The following VSTM4 variants were observed in gnomAD, a reference collection of about 807,000 sequenced individuals.
The protein encoded by VSTM4 is V-set and transmembrane domain containing 4.
A neutral mutation model predicts 36.4 loss-of-function variants in VSTM4; 20 were observed. The ratio of observed to expected loss-of-function variants is 0.55; its 90% CI spans 0.39 to 0.80. The LOEUF (loss-of-function observed/expected upper bound fraction) is 0.80. Among genes scored for constraint, VSTM4 ranks in the 30% least tolerant of loss-of-function variants. VSTM4 has a pLI of 0.00. For missense variants in VSTM4, 392 were observed against 404.5 expected (o/e 0.97, Z 0.26); for synonymous variants, 182 against 173.9 (o/e 1.05, Z -0.37).
intron 4 of VSTM4, among the ~76,000 whole-genome samples, chr10:49,069,095 T>C (rs778861236): frequency 2.0e-5 from 3 of 151,784 alleles, no homozygotes; most frequent in African/African-American, 7.3e-5. Flanking sequence ...ACCTCCCAGA[T>C]GGCATGTCCA....
intron 7 of VSTM4, among the ~76,000 whole-genome samples, chr10:49,035,767 G>A (rs1843420318): frequency 6.6e-6 from 1 of 151,970 alleles, no homozygotes; most frequent in African/African-American, 2.4e-5. Context: ...GAGCCCAGGA[G>A]TTTGAGGCTA....
At chr10:49,052,131 A>C (rs1843707615) in intron 5 of VSTM4, among the ~76,000 whole-genome samples, 1 of 152,202 alleles carries the variant, frequency 6.6e-6, no homozygotes, top group Non-Finnish European at 1.5e-5. Context: ...GAATTTCTAA[A>C]GCTGGAATTA....
At chr10:49,042,795 T>C (rs1005599577) in intron 7 of VSTM4, among the ~76,000 whole-genome samples, 3 of 152,218 alleles carry the variant, frequency 2.0e-5, no homozygotes, top group Non-Finnish European at 4.4e-5. Context: ...ATGGATCTTG[T>C]AGCCTGGTAG....
At chr10:49,086,647 C>T (rs1235145222) in intron 2 of VSTM4, among the ~76,000 whole-genome samples, 1 of 152,138 alleles carries the variant, frequency 6.6e-6, no homozygotes, top group Non-Finnish European at 1.5e-5. Flanking sequence ...TTTCCATGTA[C>T]AGGGGTAACA....
In VSTM4 at chr10:49,102,501, A is replaced by T. The variant is rs993828785; in HGVS notation, c.457+5093T>A. 5 of 985,308 alleles carry T rather than the reference A, an allele frequency of 5.1e-6. No individual in the cohort carries two copies. In the African/African-American group the frequency reaches 8.7e-5, roughly 17 times the overall value. 61.0% of individuals were successfully genotyped at this position (985,308 alleles called of 1,614,324 possible). A position where few individuals can be genotyped will look rare whatever the true frequency, so the allele number is the denominator to read the frequency against. On this transcript the variant is annotated intron_variant, in intron 2 of 7. Coordinates refer to ENST00000332853, the MANE Select transcript of VSTM4 (RefSeq NM_001031746.5). ...CAGCAGCTTGAAAAACAACGGCATG[A>T]CCACATAATGTTGTGTCTACAGTGC...
intron 5 of VSTM4, among the ~76,000 whole-genome samples, chr10:49,054,037 A>G (rs1843738547): frequency 6.6e-6 from 1 of 152,224 alleles, no homozygotes; most frequent in Non-Finnish European, 1.5e-5. Context: ...CTGTGGAAAG[A>G]GCTTGGTATC....
At chr10:49,062,212 A>T (rs979226716) in intron 5 of VSTM4, among the ~76,000 whole-genome samples, 1 of 152,192 alleles carries the variant, frequency 6.6e-6, no homozygotes, top group African/African-American at 2.4e-5. Flanking sequence ...CTCAAATGTG[A>T]TTTTTAAAAC....
At chr10:49,026,906 G>C (rs1487238669) in intron 7 of VSTM4, among the ~76,000 whole-genome samples, 1 of 152,184 alleles carries the variant, frequency 6.6e-6, no homozygotes, top group Non-Finnish European at 1.5e-5. Flanking sequence ...GGATGCAAAA[G>C]AGCCATGTGA....
At chr10:49,032,436 A>G (rs1314218714) in intron 7 of VSTM4, among the ~76,000 whole-genome samples, 1 of 152,240 alleles carries the variant, frequency 6.6e-6, no homozygotes, top group Non-Finnish European at 1.5e-5. Context: ...TGATGTGAGC[A>G]GTAATTTCTG....
At chr10:49,028,658 G>A (rs1029306924) in intron 7 of VSTM4, among the ~76,000 whole-genome samples, 1 of 152,170 alleles carries the variant, frequency 6.6e-6, no homozygotes, top group Non-Finnish European at 1.5e-5. Flanking sequence ...ACTAAGAGAG[G>A]TTTAGCATTC....
chr10:49,037,120 A>T (rs1237041016), intron 7 of VSTM4, among the ~76,000 whole-genome samples: 1 of 152,196 alleles, frequency 6.6e-6, no homozygotes, highest in Non-Finnish European at 1.5e-5. Flanking sequence ...TAGAATTCTC[A>T]TATTTAGTTT....
In VSTM4 at chr10:49,042,363, A is replaced by T. The variant is rs75784529; in HGVS notation, c.837+4620T>A. On this transcript the variant is annotated intron_variant, in intron 7 of 7. Coordinates refer to ENST00000332853, the MANE Select transcript of VSTM4 (RefSeq NM_001031746.5). ...ACATGAACCAAATGGAACCCACTAT[A>T]TGAAAAGCCTGCTAGAACCCACAGT... is the stretch of plus-strand genomic sequence containing the variant. Among the ~76,000 whole-genome samples, 61 of 152,340 alleles carry T rather than the reference A, an allele frequency of 4.0e-4. 2 individuals are homozygous for T. Among genetic ancestry groups the T allele is most frequent in the African/African-American group, 1.4e-3 (60 of 41,582 alleles).
At chr10:49,092,523 G>A (rs553563809) in intron 2 of VSTM4, among the ~76,000 whole-genome samples, 3 of 152,298 alleles carry the variant, frequency 2.0e-5, no homozygotes, top group African/African-American at 4.8e-5. Context: ...TGCCACAGAA[G>A]TGTTATCTAC....
rs201352406 is a variant in VSTM4, at chr10:49,096,165, C to T, written c.458-10142G>A. ...TCCTCATTATCTGTTCCATGTCTCC[C>T]GAGAAAAAGGAATTATTTCGTTAAT... On this transcript the variant is annotated intron_variant, in intron 2 of 7. Transcript: ENST00000332853. Among the ~76,000 whole-genome samples, 7 of 152,180 alleles carry T rather than the reference C, an allele frequency of 4.6e-5. No individual in the cohort carries two copies. In the East Asian group the frequency reaches 1.2e-3, roughly 25 times the overall value.
At chr10:49,060,364 G>A (rs1334434729) in intron 5 of VSTM4, among the ~76,000 whole-genome samples, 1 of 152,174 alleles carries the variant, frequency 6.6e-6, no homozygotes, top group East Asian at 1.9e-4. Context: ...GCCAGAAATT[G>A]CTATTGTCTG....
chr10:49,034,877 C>T (rs1226509254), intron 7 of VSTM4, among the ~76,000 whole-genome samples: 1 of 152,052 alleles, frequency 6.6e-6, no homozygotes, highest in East Asian at 1.9e-4. Context: ...AAAATGTGAG[C>T]AGAAATGATA....
intron 4 of VSTM4, among the ~76,000 whole-genome samples, chr10:49,068,426 G>A (rs1384223034): frequency 6.6e-6 from 1 of 152,136 alleles, no homozygotes; most frequent in Non-Finnish European, 1.5e-5. Flanking sequence ...AGGGCCAGGA[G>A]CCCGATGAGG....
intron 7 of VSTM4, among the ~76,000 whole-genome samples, chr10:49,021,066 A>G (rs1843175927): frequency 6.6e-6 from 1 of 152,150 alleles, no homozygotes; most frequent in Non-Finnish European, 1.5e-5. Context: ...GTAGGTGTAG[A>G]CATATATTTT....
At chr10:49,103,574 A>C (rs1332319827) in intron 2 of VSTM4, 2 of 1,396,482 alleles carry the variant, frequency 1.4e-6, no homozygotes, top group Non-Finnish European at 1.9e-6. Flanking sequence ...ATAAGAGCCA[A>C]CACTCCTATG....
Sources: allele counts gnomAD v4.1 joint callset (sites outside exome capture counted in the v4.1 genomes callset), GRCh38; gene constraint gnomAD v4.1.1; transcripts MANE v1.5; gene names NCBI Gene and HGNC (gene_info 2026-07-23, HGNC 2026-07-21).